Variants in ZNF430 observed in about 807,000 individuals in gnomAD.
ZNF430 encodes zinc finger protein 430.
Under a neutral mutation model 56.7 loss-of-function variants are expected in ZNF430, and 35 were observed. That is an observed-to-expected ratio of 0.62 (90% confidence interval 0.47 to 0.82). The LOEUF (loss-of-function observed/expected upper bound fraction) is 0.82, where lower values mean the gene tolerates loss of function less well. Ranked by LOEUF, ZNF430 falls within the 40% of genes least tolerant of loss-of-function variation. The pLI is 0.00. For missense variants in ZNF430, 574 were observed against 661.0 expected (o/e 0.87, Z 1.44); for synonymous variants, 212 against 224.3 (o/e 0.94, Z 0.49).
At chr19:21,050,486 G>T in intron 4 of ZNF430, among the ~76,000 whole-genome samples, 1 of 151,984 alleles carries the variant, frequency 6.6e-6, no homozygotes, top group East Asian at 1.9e-4. Flanking sequence ...TATTCTCTCT[G>T]TATTTTTTAT....
At chr19:21,036,070 T>TTGTTAG (rs1479398180) in intron 4 of ZNF430, 1 of 152,210 alleles carries the variant, frequency 6.6e-6, no homozygotes, top group Non-Finnish European at 1.5e-5. Context: ...TATCAGTGTT[T>TTGTTAG]TGTTAGTGTA....
At chr19:21,055,336 G>A (rs1968355998) in intron 4 of ZNF430, among the ~76,000 whole-genome samples, 1 of 152,094 alleles carries the variant, frequency 6.6e-6, no homozygotes, top group East Asian at 1.9e-4. Context: ...CTTGATTAGA[G>A]ATACTGGGAG....
At chr19:21,047,597 A>G (rs1213880652) in intron 4 of ZNF430, among the ~76,000 whole-genome samples, 1 of 152,042 alleles carries the variant, frequency 6.6e-6, no homozygotes, top group Non-Finnish European at 1.5e-5. Context: ...TTTCTGTAGC[A>G]CTGTTGTGAT....
At chr19:21,039,447 C>CTATCTATTTATTTATT (rs1968062639) in intron 4 of ZNF430, among the ~76,000 whole-genome samples, 2 of 129,042 alleles carry the variant, frequency 1.5e-5, no homozygotes, top group African/African-American at 5.8e-5. Context: ...TTTACTTTTG[C>CTATCTATTTATTTATT]TATTTATTTA....
intron 2 of ZNF430, among the ~76,000 whole-genome samples, chr19:21,027,614 TC>T (rs1461113743): frequency 6.6e-6 from 1 of 152,030 alleles, no homozygotes; most frequent in African/African-American, 2.4e-5. Context: ...TTTTTTAATC[TC>T]TGCCAGGTTT....
In ZNF430 at chr19:21,031,983, G is replaced by T. The variant is rs191962283; in HGVS notation, c.97-1473G>T. Among the ~76,000 whole-genome samples the T allele has an allele frequency of 1.4e-3, 218 of 152,120 alleles. 2 individuals carry two copies. The highest frequency in any genetic ancestry group is 5.1e-3 in the African/African-American group (212 of 41,472). Reference sequence around the variant, plus strand: ...TACATCATGGCTTCTTATATGCCACGCAGAATTCCTACCATAAATTTATAA... The same window carrying T: ...TACATCATGGCTTCTTATATGCCACTCAGAATTCCTACCATAAATTTATAA... On this transcript the variant is annotated intron_variant, in intron 2 of 4. Coordinates refer to ENST00000261560, the MANE Select transcript of ZNF430 (RefSeq NM_025189.4).
In ZNF430 at chr19:21,020,769, C is replaced by G; in HGVS notation, c.-32C>G. 6.2e-7 allele frequency: 1 copy of G among 1,613,542 alleles called. No individual in the cohort carries two copies. Among genetic ancestry groups the G allele is most frequent in the South Asian group, 1.1e-5 (1 of 91,072 alleles). ...CCCGCAGGTATTGGGAGATCTACAG[C>G]TAAGACGCCAGGAACCCCTGGAAGC... is the stretch of plus-strand genomic sequence containing the variant. On this transcript the variant is annotated 5_prime_UTR_variant, in exon 1 of 5. Transcript: ENST00000261560.
intron 2 of ZNF430, among the ~76,000 whole-genome samples, chr19:21,029,670 A>C (rs1229918718): frequency 6.6e-6 from 1 of 152,132 alleles, no homozygotes; most frequent in Non-Finnish European, 1.5e-5. Context: ...ACTGATTTAT[A>C]AAAATCAGAG....
At chr19:21,037,696 C>A (rs1300309888) in intron 4 of ZNF430, among the ~76,000 whole-genome samples, 1 of 152,150 alleles carries the variant, frequency 6.6e-6, no homozygotes, top group East Asian at 1.9e-4. Context: ...TTTCTACCAA[C>A]AATTGACATA....
At chr19:21,039,769 T>C (rs1253596684) in intron 4 of ZNF430, among the ~76,000 whole-genome samples, 1 of 152,098 alleles carries the variant, frequency 6.6e-6, no homozygotes, top group Non-Finnish European at 1.5e-5. Flanking sequence ...CCCGGCCTAC[T>C]TTTGCTTTTA....
intron 1 of ZNF430, among the ~76,000 whole-genome samples, chr19:21,022,451 C>G (rs926394728): frequency 9.2e-5 from 14 of 152,120 alleles, no homozygotes; most frequent in Admixed American, 6.5e-4. Flanking sequence ...TATTTTCTGA[C>G]AAAGTATTAA....
chr19:21,021,696 G>A (rs1967689632), intron 1 of ZNF430, among the ~76,000 whole-genome samples: 1 of 151,998 alleles, frequency 6.6e-6, no homozygotes, highest in African/African-American at 2.4e-5. Context: ...TAGTTTCTTA[G>A]TTTGTACAAT....
rs1027431588 is a variant in ZNF430, at chr19:21,027,026, C to T, written c.96+4145C>T. Among the ~76,000 whole-genome samples, 39 of 151,818 alleles carry T rather than the reference C, an allele frequency of 2.6e-4. 1 individual carries two copies. The highest frequency in any genetic ancestry group is 1.5e-3 in the Admixed American group (23 of 15,214). ...TGTATTTTTAGGAGAGACGGGGTTT[C>T]ACCATGTTGGCCAGGATGGTCTCGA... On this transcript the variant is annotated intron_variant, in intron 2 of 4. Coordinates refer to ENST00000261560, the MANE Select transcript of ZNF430 (RefSeq NM_025189.4).
At chr19:21,043,659 T>C (rs1395316839) in intron 4 of ZNF430, among the ~76,000 whole-genome samples, 2 of 152,160 alleles carry the variant, frequency 1.3e-5, no homozygotes, top group African/African-American at 4.8e-5. Context: ...GTGAAAGATG[T>C]CAGTAATAGT....
intron 4 of ZNF430, among the ~76,000 whole-genome samples, chr19:21,046,935 C>G (rs932830937): frequency 6.6e-6 from 1 of 152,142 alleles, no homozygotes; most frequent in Non-Finnish European, 1.5e-5. Flanking sequence ...TGTTTTCTAA[C>G]TTGGTTCCAT....
Position 21,057,899 on chromosome 19 carries a change from CA to C in ZNF430, c.1592del (p.His531LeufsTer3), listed in dbSNP as rs1421076676. 5.0e-6 allele frequency: 8 copies of C among 1,613,800 alleles called. No homozygotes were observed. Among genetic ancestry groups the C allele is most frequent in the African/African-American group, 1.3e-5 (1 of 74,884 alleles). On this transcript the variant is annotated frameshift_variant, in exon 5 of 5. Coordinates refer to ENST00000261560, the MANE Select transcript of ZNF430 (RefSeq NM_025189.4). LOFTEE classifies it high-confidence loss of function. Reference sequence around the variant, plus strand: ...TAGCCAGTCTTCAACTCTTACTAAACATAAGGTAATTCATACTGGAGAGAAA... The same window carrying C: ...TAGCCAGTCTTCAACTCTTACTAAACTAAGGTAATTCATACTGGAGAGAAA... ...AFSQSSTLTK[H>X]KVIHTGEKPY...
intron 4 of ZNF430, among the ~76,000 whole-genome samples, chr19:21,056,234 A>G (rs1310019147): frequency 1.3e-5 from 2 of 152,022 alleles, no homozygotes; most frequent in Non-Finnish European, 2.9e-5. Context: ...AAGTGCGGTA[A>G]TCCCAGCACT....
chr19:21,042,990 C>T (rs1371504656), intron 4 of ZNF430, among the ~76,000 whole-genome samples: 3 of 151,978 alleles, frequency 2.0e-5, no homozygotes, highest in Non-Finnish European at 4.4e-5. Flanking sequence ...TGTAAATTTG[C>T]TTAAGTTCCT....
Position 21,057,025 on chromosome 19 carries a change from TAA to T in ZNF430, c.719_720del (p.Lys240SerfsTer3), listed in dbSNP as rs761227954. On this transcript the variant is annotated frameshift_variant, in exon 5 of 5. Coordinates refer to ENST00000261560, the MANE Select transcript of ZNF430 (RefSeq NM_025189.4). LOFTEE classifies it high-confidence loss of function. ...ATTCTTACCAATGTGAAGAATGTGGTAAAGTCTTTAACTGGTTCTCAACCCTT... is the reference window on the plus strand; with the variant it reads ...ATTCTTACCAATGTGAAGAATGTGGTAGTCTTTAACTGGTTCTCAACCCTT... Reference protein sequence around the residue: ...ENSYQCEECGKVFNWFSTLTR... With the variant: ...ENSYQCEECGXVFNWFSTLTR... The T allele has an allele frequency of 1.2e-6, 2 of 1,613,956 alleles. No individual in the cohort carries two copies. The highest frequency in any genetic ancestry group is 1.7e-6 in the Non-Finnish European group (2 of 1,179,954).
Sources: allele counts gnomAD v4.1 joint callset (sites outside exome capture counted in the v4.1 genomes callset), GRCh38; gene constraint gnomAD v4.1.1; transcripts MANE v1.5; gene names NCBI Gene and HGNC (gene_info 2026-07-23, HGNC 2026-07-21).